GRID2: variants seen among roughly 807,000 people sequenced by gnomAD.
The protein encoded by GRID2 is glutamate receptor ionotropic, delta-2.
A neutral mutation model predicts 114.8 loss-of-function variants in GRID2; 33 were observed. The ratio of observed to expected loss-of-function variants is 0.29; its 90% CI spans 0.22 to 0.38. GRID2 has a LOEUF of 0.38. Among genes scored for constraint, GRID2 ranks in the 10% least tolerant of loss-of-function variants. The probability of loss-of-function intolerance (pLI) is 1.00; values close to 1 mark genes in which losing one functional copy is unlikely to be tolerated. For synonymous variants in GRID2, 505 were observed against 449.9 expected (o/e 1.12, Z -1.55); for missense variants, 1,184 against 1,257.7 (o/e 0.94, Z 0.89).
At chr4:93,774,697 C>T (rs913007958), downstream of GRID2, 2 of 151,928 alleles carry the variant, frequency 1.3e-5, no homozygotes, top group Non-Finnish European at 1.5e-5. Context: ...AGAACTATGC[C>T]AAAATGAATG....
intron 1 of GRID2, among the ~76,000 whole-genome samples, chr4:92,333,838 T>C (rs1175553063): frequency 6.6e-6 from 1 of 152,168 alleles, no homozygotes; most frequent in Non-Finnish European, 1.5e-5. Flanking sequence ...CAAGTGATCC[T>C]CCTGCCTCAG....
chr4:92,921,270 T>C (rs1017991583), intron 2 of GRID2, among the ~76,000 whole-genome samples: 1 of 152,150 alleles, frequency 6.6e-6, no homozygotes, highest in Non-Finnish European at 1.5e-5. Flanking sequence ...TTTAAGGTTT[T>C]TAACTTCTTT....
At chr4:93,656,364 A>G (rs1465152109) in intron 14 of GRID2, among the ~76,000 whole-genome samples, 2 of 152,084 alleles carry the variant, frequency 1.3e-5, no homozygotes, top group South Asian at 2.1e-4. Context: ...TAAAGTGTAA[A>G]GATTGGGGGA....
At chr4:92,631,988 A>G (rs770614507) in intron 2 of GRID2, among the ~76,000 whole-genome samples, 21 of 152,172 alleles carry the variant, frequency 1.4e-4, no homozygotes, top group Non-Finnish European at 2.9e-4. Context: ...CTTCACATTT[A>G]AAAGGCTGAA....
chr4:93,499,589 C>G (rs1002345606), intron 12 of GRID2, among the ~76,000 whole-genome samples: 9 of 151,828 alleles, frequency 5.9e-5, no homozygotes, highest in African/African-American at 2.2e-4. Context: ...ACCCCCTTCT[C>G]TTCCGGTATC....
intron 2 of GRID2, among the ~76,000 whole-genome samples, chr4:92,863,301 C>T (rs952283343): frequency 1.3e-5 from 2 of 152,094 alleles, no homozygotes; most frequent in East Asian, 3.9e-4. Context: ...GCACTGTCCT[C>T]TTTGTGCTCC....
chr4:92,783,798 G>T (rs1292305940), intron 2 of GRID2, among the ~76,000 whole-genome samples: 3 of 151,804 alleles, frequency 2.0e-5, no homozygotes, highest in Non-Finnish European at 4.4e-5. Context: ...AGAAGGGAGG[G>T]TTGCTTTAGC....
chr4:92,835,639 C>G (rs1301336075), intron 2 of GRID2, among the ~76,000 whole-genome samples: 1 of 152,048 alleles, frequency 6.6e-6, no homozygotes, highest in Non-Finnish European at 1.5e-5. Context: ...GGACCACCCC[C>G]CATGCCAGTT....
intron 2 of GRID2, among the ~76,000 whole-genome samples, chr4:92,731,873 A>C (rs941402427): frequency 1.3e-5 from 2 of 151,960 alleles, no homozygotes; most frequent in African/African-American, 4.8e-5. Context: ...GACCATCACA[A>C]TTTTATAAAT....
At chr4:93,178,000 G>T (rs1198957281) in intron 4 of GRID2, among the ~76,000 whole-genome samples, 1 of 150,636 alleles carries the variant, frequency 6.6e-6, no homozygotes, top group Non-Finnish European at 1.5e-5. Context: ...CCCTTAGCTT[G>T]TACCTTTAAT....
chr4:92,480,931 C>G (rs1258658589), intron 1 of GRID2, among the ~76,000 whole-genome samples: 1 of 152,114 alleles, frequency 6.6e-6, no homozygotes, highest in Admixed American at 6.6e-5. Context: ...AAGTTGTCAA[C>G]TCTCTTGTTC....
At chr4:92,355,598 CA>C (rs1408329577) in intron 1 of GRID2, among the ~76,000 whole-genome samples, 5 of 151,720 alleles carry the variant, frequency 3.3e-5, no homozygotes, top group Admixed American at 6.6e-5. Context: ...ACATATAAGC[CA>C]AAACTCTACC....
At chr4:93,061,038 C>G (rs1211380121) in intron 2 of GRID2, among the ~76,000 whole-genome samples, 1 of 151,692 alleles carries the variant, frequency 6.6e-6, no homozygotes, top group African/African-American at 2.4e-5. Context: ...GAGAGGCGGA[C>G]GTTGCAGTGA....
At chr4:93,322,310 C>G (rs1367619484) in intron 8 of GRID2, among the ~76,000 whole-genome samples, 1 of 151,996 alleles carries the variant, frequency 6.6e-6, no homozygotes, top group Non-Finnish European at 1.5e-5. Context: ...GGTTTTCTGT[C>G]CTTGCAATAG....
At chr4:93,412,465 G>T (rs1309851460) in intron 9 of GRID2, among the ~76,000 whole-genome samples, 2 of 152,028 alleles carry the variant, frequency 1.3e-5, no homozygotes, top group Non-Finnish European at 2.9e-5. Flanking sequence ...TAGATAACTT[G>T]CAATGAACGT....
At chr4:93,401,024 G>T (rs1765830181) in intron 9 of GRID2, among the ~76,000 whole-genome samples, 1 of 151,922 alleles carries the variant, frequency 6.6e-6, no homozygotes, top group African/African-American at 2.4e-5. Flanking sequence ...GTAGAGACAG[G>T]GGCTCGCTAT....
chr4:93,382,527 C>A (rs1320526317), intron 8 of GRID2, among the ~76,000 whole-genome samples: 1 of 151,954 alleles, frequency 6.6e-6, no homozygotes, highest in African/African-American at 2.4e-5. Context: ...AAATCTCTGG[C>A]AAATTTTTTT....
intron 8 of GRID2, among the ~76,000 whole-genome samples, chr4:93,310,531 A>C (rs1755903294): frequency 6.8e-6 from 1 of 147,064 alleles, no homozygotes; most frequent in Admixed American, 6.6e-5. Flanking sequence ...CTCCATCTCA[A>C]AAATAAAATA....
chr4:92,904,405 C>T (rs1390436646), intron 2 of GRID2, among the ~76,000 whole-genome samples: 1 of 151,504 alleles, frequency 6.6e-6, no homozygotes, highest in Non-Finnish European at 1.5e-5. Flanking sequence ...TTTGCACTCA[C>T]AGTTATTACT....
Sources: allele counts gnomAD v4.1 joint callset (sites outside exome capture counted in the v4.1 genomes callset), GRCh38; gene constraint gnomAD v4.1.1; transcripts MANE v1.5; gene names NCBI Gene and HGNC (gene_info 2026-07-23, HGNC 2026-07-21).